HPS5: variants seen among roughly 807,000 people sequenced by gnomAD.
HPS5 encodes BLOC-2 complex member HPS5.
In HPS5, 83 loss-of-function variants were observed where a neutral mutation model predicts 128.0. The observed-to-expected ratio is 0.65, with a 90% CI of 0.54 to 0.78. The LOEUF (loss-of-function observed/expected upper bound fraction) is 0.78. Among genes scored for constraint, HPS5 ranks in the 30% least tolerant of loss-of-function variants. The probability of loss-of-function intolerance (pLI) is 0.00; values close to 1 mark genes in which losing one functional copy is unlikely to be tolerated. For missense variants in HPS5, 1,281 were observed against 1,326.2 expected, an observed-to-expected ratio of 0.97 and a Z score of 0.53; for synonymous variants, 475 against 470.2, an observed-to-expected ratio of 1.01 and a Z score of -0.13.
rs78854100 is a variant in HPS5, at chr11:18,300,968, A to G, written c.897-52T>C. The G allele has an allele frequency of 9.0e-4, 948 of 1,051,398 alleles. 7 individuals carry two copies. In the African/African-American group the frequency reaches 0.01, roughly 12 times the overall value. The allele number at this position is 1,051,398 out of a possible 1,614,324, so 65.1% of individuals were successfully genotyped here. On this transcript the variant is annotated intron_variant, in intron 8 of 22. Transcript: ENST00000349215. ...CAAGTGTGCTAGGATACAAAAGTTT[A>G]TAATTCCCCGAATTCAGATCCTTGC...
intron 9 of HPS5, among the ~76,000 whole-genome samples, chr11:18,300,170 T>C (rs1861528031): frequency 1.3e-5 from 2 of 152,140 alleles, no homozygotes; most frequent in Admixed American, 1.3e-4. Flanking sequence ...ATGGTAGATA[T>C]GCTAACCACC....
chr11:18,291,740 C>G lies in HPS5; in HGVS notation c.2142G>C (p.Arg714Ser), dbSNP rs138115381. The G allele has an allele frequency of 3.0e-5, 49 of 1,614,054 alleles. No individual in the cohort carries two copies. The highest frequency in any genetic ancestry group is 3.9e-5 in the Non-Finnish European group (46 of 1,180,034). ...KTACECVRSP[R>S]ESLDDLFQIC... ...TTTGAAACAGGTCATCCAAAGACTC[C>G]CTTGGACTCCTTACACATTCACATG... Residue 714 changes from arginine to serine, a missense_variant, in exon 16 of 23, where the codon AGG becomes AGC. Transcript: ENST00000349215.
In HPS5 at chr11:18,322,136, GC is replaced by G. The variant is rs1298126824; in HGVS notation, c.-241del. The G allele has an allele frequency of 6.6e-6, 1 of 152,288 alleles. No homozygotes were observed. The highest frequency in any genetic ancestry group is 1.5e-5 in the Non-Finnish European group (1 of 68,122). 9.4% of individuals were successfully genotyped at this position (152,288 alleles called of 1,614,324 possible). A position where few individuals can be genotyped will look rare whatever the true frequency, so the allele number is the denominator to read the frequency against. ...GGCTTAGCGCCGGGGAACTCACCGC[GC>G]ACTAAGAGCGGAACGTGAACTTCAG... On this transcript the variant is annotated 5_prime_UTR_variant, in exon 1 of 23. Transcript: ENST00000349215.
At chr11:18,314,431 A>C (rs1018313880) in intron 2 of HPS5, 9 of 152,324 alleles carry the variant, frequency 5.9e-5, no homozygotes, top group African/African-American at 2.2e-4. Context: ...CTGGTGGCTG[A>C]GGCATGAGAA....
intron 2 of HPS5, among the ~76,000 whole-genome samples, chr11:18,315,448 A>G (rs1336977028): frequency 6.6e-6 from 1 of 152,142 alleles, no homozygotes; most frequent in African/African-American, 2.4e-5. Context: ...CTCTGTCTCT[A>G]CGAAAAACAC....
chr11:18,305,619 T>C (rs1012375539), intron 7 of HPS5, 126 bp from the exon 8 acceptor site: 18 of 655,398 alleles, frequency 2.7e-5, no homozygotes, highest in Non-Finnish European at 4.9e-5. Context: ...CATCTGCCCT[T>C]ATTCGCCTGA....
chr11:18,297,654 A>G lies in HPS5; in HGVS notation c.1228T>C (p.Tyr410His), dbSNP rs1026871655. 6.2e-7 allele frequency: 1 copy of G among 1,613,794 alleles called. No individual in the cohort carries two copies. Among genetic ancestry groups the G allele is most frequent in the Non-Finnish European group, 8.5e-7 (1 of 1,179,752 alleles). The change falls in exon 11 of 23, where the codon TAC becomes CAC. Residue 410 changes from tyrosine (Y) to histidine (H), a missense_variant. By Grantham distance (83) the Tyr-to-His change is moderately conservative (BLOSUM62 2). Coordinates refer to ENST00000349215, the MANE Select transcript of HPS5 (RefSeq NM_181507.2). ...TCCAGTTGAGAAATTAGATCATTGTAGGTGCCATGGTCCAGCTGAGATTTC... is the reference window on the plus strand; with the variant it reads ...TCCAGTTGAGAAATTAGATCATTGTGGGTGCCATGGTCCAGCTGAGATTTC... ...HLKSQLDHGT[Y>H]NDLISQLEEL...
At chr11:18,286,921 A>G (rs1265237457) in intron 18 of HPS5, 3 of 632,198 alleles carry the variant, frequency 4.7e-6, no homozygotes, top group African/African-American at 3.7e-5. Flanking sequence ...AAAAAAAAAA[A>G]GGGAGAGAAA....
chr11:18,297,076 TAG>T, intron 11 of HPS5, 92 bp from the exon 12 acceptor site: 1 of 849,350 alleles, frequency 1.2e-6, no homozygotes, highest in Non-Finnish European at 1.9e-6. Flanking sequence ...AACACTCAAA[TAG>T]AAAGTTAATA....
chr11:18,297,605 G>A lies in HPS5; in HGVS notation c.1277C>T (p.Pro426Leu), dbSNP rs1380413664. 1.2e-6 allele frequency: 2 copies of A among 1,613,844 alleles called. No homozygotes were observed. Among genetic ancestry groups the A allele is most frequent in the Non-Finnish European group, 1.7e-6 (2 of 1,179,874 alleles). The change falls in exon 11 of 23, where the codon CCT (proline) becomes CTT (leucine). Residue 426 changes from proline to leucine, a missense_variant. Transcript: ENST00000349215. ...QLEELILKFEPLDSACSSRRS... is the reference protein window; with the variant it reads ...QLEELILKFELLDSACSSRRS... ...TCTACTGCTACAAGCTGAATCCAAA[G>A]GTTCAAATTTTAAGATCAATTCTTC...
At chr11:18,308,248 T>A (rs776909090) in intron 6 of HPS5, among the ~76,000 whole-genome samples, 9 of 152,364 alleles carry the variant, frequency 5.9e-5, no homozygotes, top group Admixed American at 2.6e-4. Context: ...ATGAAATACT[T>A]ATCTTCATAA....
chr11:18,279,733 A>G lies in HPS5; in HGVS notation c.*149T>C, dbSNP rs1858619028. The G allele has an allele frequency of 1.4e-6, 1 of 729,876 alleles. No individual in the cohort carries two copies. Among genetic ancestry groups the G allele is most frequent in the Non-Finnish European group, 2.4e-6 (1 of 410,866 alleles). 45.2% of individuals were successfully genotyped at this position (729,876 alleles called of 1,614,324 possible). ...TAAAGAGTCACAGATGCCGATGCCA[A>G]GGGTACAGACACTGACAAAAGTAGC... is the stretch of plus-strand genomic sequence containing the variant. On this transcript the variant is annotated 3_prime_UTR_variant, in exon 23 of 23. Coordinates refer to ENST00000349215, the MANE Select transcript of HPS5 (RefSeq NM_181507.2).
Position 18,300,936 on chromosome 11 carries a change from G to A in HPS5, c.897-20C>T, listed in dbSNP as rs1364407898. On this transcript the variant is annotated intron_variant, in intron 8 of 22. Transcript: ENST00000349215. ...TGCTCACTGCAAGAGAAGAAGTGAA[G>A]AGAATTCAAGTGTGCTAGGATACAA... 2 of 1,392,894 alleles carry A rather than the reference G, an allele frequency of 1.4e-6. No individual in the cohort carries two copies. 86.3% of individuals were successfully genotyped at this position (1,392,894 alleles called of 1,614,324 possible).
rs1213695622 is a variant in HPS5 at position 18,283,902 on chromosome 11, CT to C, written c.2952-2del. The C allele has an allele frequency of 6.2e-7, 1 of 1,607,228 alleles. No homozygotes were observed. The highest frequency in any genetic ancestry group is 2.2e-5 in the East Asian group (1 of 44,838). On this transcript the variant is annotated splice_acceptor_variant, in intron 20 of 22. Transcript: ENST00000349215. LOFTEE classifies it high-confidence loss of function. Reference sequence around the variant, plus strand: ...GAGAATTAGATATCCAGGCCAGAAACTTTAAAGAGACCGAAGTTGAAGAAAG... The same window carrying C: ...GAGAATTAGATATCCAGGCCAGAAACTTAAAGAGACCGAAGTTGAAGAAAG...
chr11:18,306,344 T>C lies in HPS5; in HGVS notation c.615A>G (p.Glu205=), dbSNP rs772600215. 4.9e-5 allele frequency: 79 copies of C among 1,610,846 alleles called. No homozygotes were observed. The Admixed American group carries it at 1.3e-3, about 27-fold the overall frequency. ...TRSFLCDTER[E]KFWKIGNKER... ...CCTTGTTTCCAATTTTCCAAAACTTTTCTCTAACATCCAGAAAGGAAGAGA... is the reference window on the plus strand; with the variant it reads ...CCTTGTTTCCAATTTTCCAAAACTTCTCTCTAACATCCAGAAAGGAAGAGA... Residue 205 remains glutamate, a synonymous_variant, in exon 7 of 23, where the codon GAA becomes GAG. Coordinates refer to ENST00000349215, the MANE Select transcript of HPS5 (RefSeq NM_181507.2).
intron 2 of HPS5, among the ~76,000 whole-genome samples, chr11:18,313,480 G>A (rs1220271091): frequency 1.3e-5 from 2 of 152,182 alleles, no homozygotes; most frequent in African/African-American, 4.8e-5. Flanking sequence ...CTCAGAATCT[G>A]CCTCTTCTTT....
At chr11:18,284,172 A>AC (rs983241371) in intron 20 of HPS5, among the ~76,000 whole-genome samples, 3 of 152,184 alleles carry the variant, frequency 2.0e-5, no homozygotes, top group African/African-American at 7.2e-5. Context: ...CTAGGGAAAA[A>AC]AAAAAAACAA....
intron 2 of HPS5, among the ~76,000 whole-genome samples, chr11:18,317,071 G>T (rs1863711074): frequency 6.6e-6 from 1 of 152,020 alleles, no homozygotes; most frequent in Non-Finnish European, 1.5e-5. Flanking sequence ...GCGGGCACAT[G>T]TGGTCCCAGC....
At position 18,292,028 on chromosome 11, in the gene HPS5, G is replaced by A. The variant is rs1395520471; in HGVS notation, c.1863-9C>T. 1.9e-6 allele frequency: 3 copies of A among 1,599,418 alleles called. No individual in the cohort carries two copies. Among genetic ancestry groups the A allele is most frequent in the African/African-American group, 1.3e-5 (1 of 74,582 alleles). Reference sequence around the variant, plus strand: ...GGTCCTGTAGCTTGGTCCTATACAAGACAGACAAGTATGAAATTCATGTGT... The same window carrying A: ...GGTCCTGTAGCTTGGTCCTATACAAAACAGACAAGTATGAAATTCATGTGT... On this transcript the variant is annotated splice_polypyrimidine_tract_variant and intron_variant, in intron 15 of 22. Transcript: ENST00000349215.
Sources: allele counts gnomAD v4.1 joint callset (sites outside exome capture counted in the v4.1 genomes callset), GRCh38; gene constraint gnomAD v4.1.1; transcripts MANE v1.5; gene names NCBI Gene and HGNC (gene_info 2026-07-23, HGNC 2026-07-21).